The following HENMT1 variants were observed in gnomAD, a reference collection of about 807,000 sequenced individuals.
The protein encoded by HENMT1 is HEN methyltransferase 1.
In HENMT1, 27 loss-of-function variants were observed where a neutral mutation model predicts 31.1. The ratio of observed to expected loss-of-function variants is 0.87; its 90% confidence interval spans 0.64 to 1.20. HENMT1 has a LOEUF of 1.20. Among genes scored for constraint, HENMT1 ranks in the 50% most tolerant of loss-of-function variants. The pLI is 0.00. For synonymous variants in HENMT1, 167 were observed against 172.2 expected, an observed-to-expected ratio of 0.97 and a Z score of 0.24; for missense variants, 438 against 469.6, an observed-to-expected ratio of 0.93 and a Z score of 0.62.
intron 2 of HENMT1, among the ~76,000 whole-genome samples, chr1:108,658,544 T>C (rs1405913555): frequency 6.6e-6 from 1 of 152,136 alleles, no homozygotes; most frequent in Admixed American, 6.5e-5. Context: ...TGGGCATCTG[T>C]AGGAACATTC....
chr1:108,651,346 C>G, intron 5 of HENMT1, 137 bp from the exon 6 acceptor site: 2 of 729,174 alleles, frequency 2.7e-6, no homozygotes, highest in Non-Finnish European at 4.4e-6. Flanking sequence ...CTTATATGAC[C>G]TAAGAACAAT....
chr1:108,660,510 C>A (rs1174073083), intron 1 of HENMT1, among the ~76,000 whole-genome samples: 1 of 152,164 alleles, frequency 6.6e-6, no homozygotes, highest in Non-Finnish European at 1.5e-5. Flanking sequence ...TAGAGATGCT[C>A]CAACATCTAT....
chr1:108,658,482 G>T (rs1279449158), intron 2 of HENMT1, among the ~76,000 whole-genome samples: 1 of 152,156 alleles, frequency 6.6e-6, no homozygotes, highest in Non-Finnish European at 1.5e-5. Flanking sequence ...GCCCAGGCTG[G>T]TTTAAAATTC....
intron 3 of HENMT1, among the ~76,000 whole-genome samples, chr1:108,656,062 CA>C (rs1658231077): frequency 1.3e-5 from 2 of 152,152 alleles, no homozygotes; most frequent in Non-Finnish European, 2.9e-5. Context: ...CAAATATTCT[CA>C]GCATATTTCA....
At chr1:108,654,649 A>G (rs1037401028) in intron 5 of HENMT1, 67 bp downstream of exon 5, 8 of 1,504,112 alleles carry the variant, frequency 5.3e-6, no homozygotes, top group Non-Finnish European at 6.4e-6. Flanking sequence ...TTAGGACACT[A>G]AGATCACTGA....
intron 5 of HENMT1, among the ~76,000 whole-genome samples, chr1:108,652,901 G>A (rs1046843122): frequency 6.6e-6 from 1 of 151,516 alleles, no homozygotes; most frequent in Non-Finnish European, 1.5e-5. Context: ...CCGAGATCGC[G>A]CCATTGCACT....
chr1:108,656,864 T>G (rs1000237633), intron 3 of HENMT1, among the ~76,000 whole-genome samples: 4 of 152,172 alleles, frequency 2.6e-5, no homozygotes, highest in Admixed American at 6.5e-5. Flanking sequence ...ACCTACAAGA[T>G]CACATCCAAC....
chr1:108,656,544 T>C (rs560065641), intron 3 of HENMT1, among the ~76,000 whole-genome samples: 1 of 152,296 alleles, frequency 6.6e-6, no homozygotes, highest in Admixed American at 6.5e-5. Flanking sequence ...GGAATGCAGG[T>C]GATAACAGCT....
Position 108,659,935 on chromosome 1 carries a change from C to G in HENMT1, c.-51G>C. 1 of 1,571,636 alleles carries G rather than the reference C, an allele frequency of 6.4e-7. No homozygotes were observed. The highest frequency in any genetic ancestry group is 8.6e-7 in the Non-Finnish European group (1 of 1,160,640). On this transcript the variant is annotated 5_prime_UTR_variant, in exon 2 of 8. Coordinates refer to ENST00000651461, the MANE Select transcript of HENMT1 (RefSeq NM_001102592.2). ...AAAATGAAGATTTATCCTTCAAGCT[C>G]TATTTGAGAGAATCAGCACTGACTC... is the stretch of plus-strand genomic sequence containing the variant.
At chr1:108,657,795 G>A (rs955550760) in intron 2 of HENMT1, among the ~76,000 whole-genome samples, 1 of 152,028 alleles carries the variant, frequency 6.6e-6, no homozygotes, top group Non-Finnish European at 1.5e-5. Flanking sequence ...AGAGAATCTA[G>A]CTGTATGCTC....
intron 1 of HENMT1, among the ~76,000 whole-genome samples, chr1:108,660,639 C>A (rs1449332945): frequency 1.3e-5 from 2 of 152,164 alleles, no homozygotes; most frequent in African/African-American, 4.8e-5. Flanking sequence ...TATTAAGAAA[C>A]CCTGGCCGGG....
rs1036718595 is a variant in HENMT1 at position 108,660,477 on chromosome 1, GA to G, written c.-79+485del. Among the ~76,000 whole-genome samples, 14 of 152,082 alleles carry G rather than the reference GA, an allele frequency of 9.2e-5. No individual in the cohort carries two copies. In the South Asian group the frequency reaches 1.2e-3, roughly 14 times the overall value. ...ATCGTCAAAATGAAATTTCGAGGGG[GA>G]AAAAAAGTGTCCTTGATAAACTAGA... On this transcript the variant is annotated intron_variant, in intron 1 of 7. Transcript: ENST00000651461.
chr1:108,659,195 G>A (rs1037841468), intron 2 of HENMT1, among the ~76,000 whole-genome samples: 1 of 151,908 alleles, frequency 6.6e-6, no homozygotes, highest in Non-Finnish European at 1.5e-5. Context: ...AAATATACAT[G>A]CACATACCCA....
Position 108,648,869 on chromosome 1 carries a change from CT to C in HENMT1, c.878del (p.Gln293ArgfsTer34). On this transcript the variant is annotated frameshift_variant, in exon 8 of 8. Coordinates refer to ENST00000651461, the MANE Select transcript of HENMT1 (RefSeq NM_001102592.2). LOFTEE classifies it low-confidence loss of function (END_TRUNC). ...TGGGCTTATCACCCCGTTCCCCAGC[CT>C]GTTCTTTCCGCCTTGGCAGGTGGCT... ...RVSHLPRRKE[Q>X]AGERGDKPKD... 4.3e-6 allele frequency: 7 copies of C among 1,614,252 alleles called. No homozygotes were observed. Among genetic ancestry groups the C allele is most frequent in the Non-Finnish European group, 5.9e-6 (7 of 1,180,050 alleles).
intron 2 of HENMT1, among the ~76,000 whole-genome samples, chr1:108,658,604 C>A (rs1251851463): frequency 6.6e-6 from 1 of 152,184 alleles, no homozygotes; most frequent in South Asian, 2.1e-4. Context: ...AGTCAGGTTC[C>A]TCTGAGCCAT....
Position 108,648,770 on chromosome 1 carries a change from T to C in HENMT1, c.978A>G (p.Ile326Met), listed in dbSNP as rs144336229. The C allele has an allele frequency of 1.9e-5, 31 of 1,614,108 alleles. No homozygotes were observed. Among genetic ancestry groups the C allele is most frequent in the African/African-American group, 2.7e-5 (2 of 74,930 alleles). Reference sequence around the variant, plus strand: ...CACAGAAGGGTGTGGGAGAGTTCTCTATCTTGGCCTTCTCAACCTCTGTGA... The same window carrying C: ...CACAGAAGGGTGTGGGAGAGTTCTCCATCTTGGCCTTCTCAACCTCTGTGA... ...PVFTEVEKAK[I>M]ENSPTPFCVG... Residue 326 changes from isoleucine (I) to methionine (M), a missense_variant, in exon 8 of 8, where the codon ATA (isoleucine) becomes ATG (methionine). Transcript: ENST00000651461.
chr1:108,659,322 C>A (rs1570640388), intron 2 of HENMT1, among the ~76,000 whole-genome samples: 3 of 151,522 alleles, frequency 2.0e-5, no homozygotes, highest in Admixed American at 2.0e-4. Context: ...CGTGACTGGG[C>A]AAGTGCATTC....
intron 2 of HENMT1, among the ~76,000 whole-genome samples, chr1:108,658,669 C>T (rs1044699536): frequency 1.3e-5 from 2 of 152,160 alleles, no homozygotes; most frequent in African/African-American, 2.4e-5. Flanking sequence ...GCTGCCTAGC[C>T]CAGTTTTAAT....
chr1:108,651,739 G>A (rs541189651), intron 5 of HENMT1, among the ~76,000 whole-genome samples: 23 of 146,026 alleles, frequency 1.6e-4, no homozygotes, highest in African/African-American at 5.5e-4. Context: ...AGAGAGAAGA[G>A]AAGAGAGGGG....
Sources: gnomAD v4.1 joint callset for allele counts (sites outside exome capture counted in the v4.1 genomes callset) on GRCh38, gnomAD v4.1.1 for gene constraint, MANE v1.5 for transcripts, NCBI Gene and HGNC (gene_info 2026-07-23, HGNC 2026-07-21) for gene names.